RIGI: variants seen among roughly 807,000 people sequenced by gnomAD.
The protein encoded by RIGI is antiviral innate immune response receptor RIG-I.
At chr9:32,473,142 A>G in the RIGI span, 10 of 1,071,504 alleles carry the variant, frequency 9.3e-6, no homozygotes, top group South Asian at 1.6e-4. Context: ...AATACATGCA[A>G]AAAGAAAAAA....
the RIGI span, among the ~76,000 whole-genome samples, chr9:32,512,961 C>A: frequency 1.3e-5 from 2 of 152,056 alleles, no homozygotes; most frequent in Non-Finnish European, 2.9e-5. Flanking sequence ...GAGTGAACTC[C>A]CATTCACAAT....
chr9:32,468,530 G>C, the RIGI span, among the ~76,000 whole-genome samples: 1 of 152,134 alleles, frequency 6.6e-6, no homozygotes, highest in Non-Finnish European at 1.5e-5. Flanking sequence ...GCTGGGCATG[G>C]TGGCACACAC....
At chr9:32,521,039 G>C in the RIGI span, among the ~76,000 whole-genome samples, 2 of 150,612 alleles carry the variant, frequency 1.3e-5, no homozygotes, top group Non-Finnish European at 3.0e-5. Flanking sequence ...CAGCTACTAG[G>C]GAGGTTGAGG....
the RIGI span, among the ~76,000 whole-genome samples, chr9:32,465,179 A>G: frequency 1.3e-5 from 2 of 152,232 alleles, no homozygotes; most frequent in Non-Finnish European, 2.9e-5. Flanking sequence ...AAACTAAGGG[A>G]GGAACTAAAT....
the RIGI span, among the ~76,000 whole-genome samples, chr9:32,497,843 GTCTT>G: frequency 6.6e-6 from 1 of 151,998 alleles, no homozygotes; most frequent in African/African-American, 2.4e-5. Context: ...TGGATACCTT[GTCTT>G]TCTTTTTCTT....
At chr9:32,504,421 T>A in the RIGI span, among the ~76,000 whole-genome samples, 1 of 152,142 alleles carries the variant, frequency 6.6e-6, no homozygotes, top group Non-Finnish European at 1.5e-5. Context: ...CTCACGCCTG[T>A]AATCCCAGCA....
the RIGI span, among the ~76,000 whole-genome samples, chr9:32,493,122 C>T: frequency 7.9e-5 from 12 of 152,214 alleles, no homozygotes; most frequent in East Asian, 3.9e-4. Context: ...AAGATCATAC[C>T]GCTAGTGGTT....
the RIGI span, among the ~76,000 whole-genome samples, chr9:32,514,669 A>T: frequency 4.9e-4 from 75 of 152,294 alleles, 1 homozygote; most frequent in African/African-American, 1.7e-3. Context: ...GCACGTGTAT[A>T]CCTATGTAAC....
the RIGI span, among the ~76,000 whole-genome samples, chr9:32,501,369 G>A: frequency 6.6e-6 from 1 of 151,758 alleles, no homozygotes. Context: ...GTTGGGTGTG[G>A]TGGCTCACAC....
At chr9:32,509,441 G>T in the RIGI span, among the ~76,000 whole-genome samples, 3 of 152,190 alleles carry the variant, frequency 2.0e-5, no homozygotes, top group Non-Finnish European at 4.4e-5. Context: ...GCCTCCACTG[G>T]TGATACCCAG....
chr9:32,468,003 A>G, the RIGI span: 1 of 1,378,396 alleles, frequency 7.3e-7, no homozygotes, highest in Non-Finnish European at 9.9e-7. Flanking sequence ...AACAGCTACT[A>G]ATTATGGAAT....
At chr9:32,514,935 T>C in the RIGI span, among the ~76,000 whole-genome samples, 1 of 152,174 alleles carries the variant, frequency 6.6e-6, no homozygotes, top group Admixed American at 6.6e-5. Flanking sequence ...ACCCCACATA[T>C]ATAATAATGT....
the RIGI span, chr9:32,456,845 C>G: frequency 1.1e-5 from 4 of 377,156 alleles, no homozygotes; most frequent in Non-Finnish European, 1.9e-5. Flanking sequence ...AGAGTGATTA[C>G]TGTGTGTTTG....
the RIGI span, among the ~76,000 whole-genome samples, chr9:32,461,752 T>C: frequency 6.6e-6 from 1 of 152,154 alleles, no homozygotes; most frequent in Admixed American, 6.5e-5. Context: ...TCTCCATTCA[T>C]TAGGGATTGC....
chr9:32,511,296 C>A, the RIGI span, among the ~76,000 whole-genome samples: 1 of 148,262 alleles, frequency 6.7e-6, no homozygotes, highest in Non-Finnish European at 1.5e-5. Context: ...CTTCTCAGCA[C>A]CACATCATAC....
the RIGI span, chr9:32,456,646 C>T: frequency 6.3e-6 from 1 of 157,856 alleles, no homozygotes; most frequent in African/African-American, 2.4e-5. Flanking sequence ...TCAACAGGGC[C>T]AAATGCGCAG....
the RIGI span, chr9:32,489,560 T>C: frequency 1.4e-3 from 763 of 547,258 alleles, no homozygotes; most frequent in Non-Finnish European, 2.1e-3. Flanking sequence ...AAGATCCTCA[T>C]TGGAGAAAGT....
chr9:32,492,454 T>G, the RIGI span: 1 of 1,614,168 alleles, frequency 6.2e-7, no homozygotes, highest in Non-Finnish European at 8.5e-7. Context: ...AGTTTCAAAG[T>G]TTTGGGCCAG....
At chr9:32,485,294 A>AG in the RIGI span, 2 of 1,521,360 alleles carry the variant, frequency 1.3e-6, no homozygotes, top group Non-Finnish European at 1.8e-6. Context: ...AGACGTCAAA[A>AG]AAAAAAGAAA....
Sources: allele counts gnomAD v4.1 joint callset (sites outside exome capture counted in the v4.1 genomes callset), GRCh38; gene constraint gnomAD v4.1.1; transcripts MANE v1.5; gene names NCBI Gene and HGNC (gene_info 2026-07-23, HGNC 2026-07-21).